The following ZNF549 variants were observed in gnomAD, a reference collection of about 807,000 sequenced individuals.
The protein encoded by ZNF549 is zinc finger protein 549.
Under a neutral mutation model 11.1 loss-of-function variants are expected in ZNF549, and 11 were observed. The ratio of observed to expected loss-of-function variants is 0.99; its 90% CI spans 0.62 to 1.64. The LOEUF (loss-of-function observed/expected upper bound fraction) is 1.64, where lower values mean the gene tolerates loss of function less well. Ranked by LOEUF, ZNF549 falls within the 40% of genes most tolerant of loss-of-function variation. ZNF549 has a pLI of 0.00. For synonymous variants in ZNF549, 266 were observed against 269.1 expected, an observed-to-expected ratio of 0.99 and a Z score of 0.11; for missense variants, 748 against 765.1, an observed-to-expected ratio of 0.98 and a Z score of 0.26.
chr19:57,527,671 G>C, intron 1 of ZNF549, 65 bp downstream of exon 1: 1 of 1,580,352 alleles, frequency 6.3e-7, no homozygotes, highest in Non-Finnish European at 8.6e-7. Flanking sequence ...CACCTGCGTG[G>C]GTCTCTGCAG....
intron 1 of ZNF549, among the ~76,000 whole-genome samples, chr19:57,529,194 T>A (rs2089892646): frequency 6.6e-6 from 1 of 152,244 alleles, no homozygotes; most frequent in Non-Finnish European, 1.5e-5. Flanking sequence ...AGCAATAGGC[T>A]ATACCATTTA....
intron 2 of ZNF549, among the ~76,000 whole-genome samples, chr19:57,533,176 T>C (rs984064824): frequency 1.3e-5 from 2 of 152,200 alleles, no homozygotes; most frequent in African/African-American, 4.8e-5. Flanking sequence ...TAAATAGGCC[T>C]TTAATAATGT....
rs1193933269 is a variant in ZNF549 at position 57,537,359 on chromosome 19, C to T, written c.355C>T (p.Leu119Phe). 1 of 1,614,154 alleles carries T rather than the reference C, an allele frequency of 6.2e-7. No individual in the cohort carries two copies. Among genetic ancestry groups the T allele is most frequent in the Non-Finnish European group, 8.5e-7 (1 of 1,180,028 alleles). ...CILVMKDILY[L>F]SEHQGTLPWQ... ...CCTGGTCATGAAAGACATTTTGTAC[C>T]TCAGTGAGCATCAGGGGACACTTCC... The change falls in exon 4 of 4, where the codon CTC (leucine) becomes TTC (phenylalanine). Residue 119 changes from leucine (L) to phenylalanine (F), a missense_variant. By Grantham distance (22) the Leu-to-Phe change is conservative. Coordinates refer to ENST00000376233, the MANE Select transcript of ZNF549 (RefSeq NM_001199295.2).
intron 3 of ZNF549, among the ~76,000 whole-genome samples, chr19:57,536,214 G>A (rs760628753): frequency 6.6e-6 from 1 of 152,030 alleles, no homozygotes; most frequent in South Asian, 2.1e-4. Flanking sequence ...CTCGTGATGG[G>A]GTTATATCCT....
intron 1 of ZNF549, among the ~76,000 whole-genome samples, chr19:57,528,735 C>T (rs1213104953): frequency 6.6e-6 from 1 of 152,192 alleles, no homozygotes; most frequent in African/African-American, 2.4e-5. Flanking sequence ...GCCAGACTAG[C>T]AGAGAAGCCC....
Position 57,540,770 on chromosome 19 carries a change from A to G in ZNF549, c.*1843A>G, listed in dbSNP as rs1189320637. On this transcript the variant is annotated 3_prime_UTR_variant, in exon 4 of 4. Coordinates refer to ENST00000376233, the MANE Select transcript of ZNF549 (RefSeq NM_001199295.2). ...GTGACACTTCTCAAAAAACAAAAAC[A>G]AAAACAAAAAGAACAGATAAGAAAT... 2.0e-5 allele frequency: 3 copies of G among 152,138 alleles called. No individual in the cohort carries two copies. Among genetic ancestry groups the G allele is most frequent in the Non-Finnish European group, 4.4e-5 (3 of 68,020 alleles). The allele number at this position is 152,138 out of a possible 1,614,324, so 9.4% of individuals were successfully genotyped here. A position where few individuals can be genotyped will look rare whatever the true frequency, so the allele number is the denominator to read the frequency against.
intron 2 of ZNF549, among the ~76,000 whole-genome samples, chr19:57,531,618 G>A (rs1448985764): frequency 1.3e-5 from 2 of 152,000 alleles, no homozygotes; most frequent in Admixed American, 6.6e-5. Flanking sequence ...TGGTATTATC[G>A]CTCTTGTGCT....
chr19:57,535,957 G>A (rs2089922821), intron 3 of ZNF549, among the ~76,000 whole-genome samples: 1 of 152,106 alleles, frequency 6.6e-6, no homozygotes, highest in African/African-American at 2.4e-5. Flanking sequence ...TTTGAGGGCT[G>A]AACTCAAATC....
chr19:57,538,635 T>G lies in ZNF549; in HGVS notation c.1631T>G (p.Leu544Arg). ...AAAGTCTTCAGCCACCAAAAAAGACTTCTTGAGCACCAGAAAGTTCACACT... is the reference window on the plus strand; with the variant it reads ...AAAGTCTTCAGCCACCAAAAAAGACGTCTTGAGCACCAGAAAGTTCACACT... ...CGKVFSHQKR[L>R]LEHQKVHTGE... The change falls in exon 4 of 4, where the codon CTT becomes CGT. Residue 544 changes from leucine to arginine, a missense_variant. Coordinates refer to ENST00000376233, the MANE Select transcript of ZNF549 (RefSeq NM_001199295.2). The G allele has an allele frequency of 6.2e-7, 1 of 1,614,176 alleles. No individual in the cohort carries two copies. Among genetic ancestry groups the G allele is most frequent in the South Asian group, 1.1e-5 (1 of 91,088 alleles).
In ZNF549 at chr19:57,537,651, C is replaced by T; in HGVS notation, c.647C>T (p.Thr216Ile). The change falls in exon 4 of 4, where the codon ACC (threonine) becomes ATC (isoleucine). Residue 216 changes from threonine to isoleucine, a missense_variant. Transcript: ENST00000376233. Reference protein sequence around the residue: ...RQEYAHRSRETFQQRRYKCEQ... With the variant: ...RQEYAHRSREIFQQRRYKCEQ... ...GAGTATGCACATAGAAGCAGGGAGA[C>T]CTTTCAACAAAGACGTTACAAATGT... The T allele has an allele frequency of 6.2e-7, 1 of 1,614,160 alleles. No homozygotes were observed. Among genetic ancestry groups the T allele is most frequent in the Non-Finnish European group, 8.5e-7 (1 of 1,180,038 alleles).
rs1416325599 is a variant in ZNF549 at position 57,537,113 on chromosome 19, G to T, written c.200-91G>T. The stretch of plus-strand genomic sequence containing the variant: ...TATCTCAAAGAAAAACCATGGACTC[G>T]TCCCTCCCTGTGTTCCACAGGTATT... On this transcript the variant is annotated intron_variant, in intron 3 of 3. Coordinates refer to ENST00000376233, the MANE Select transcript of ZNF549 (RefSeq NM_001199295.2). 30 of 1,440,166 alleles carry T rather than the reference G, an allele frequency of 2.1e-5. 1 individual carries two copies. In the East Asian group the frequency reaches 6.8e-4, roughly 33 times the overall value. 89.2% of individuals were successfully genotyped at this position (1,440,166 alleles called of 1,614,324 possible).
chr19:57,535,174 T>C lies in ZNF549; in HGVS notation c.103T>C (p.Tyr35His). Reference sequence around the variant, plus strand: ...TGTGACCTTTGAGGATATTGCTGTGTACTTCTCCCAGGAGGAGTGGGGCCT... The same window carrying C: ...TGTGACCTTTGAGGATATTGCTGTGCACTTCTCCCAGGAGGAGTGGGGCCT... ...GHVTFEDIAV[Y>H]FSQEEWGLLD... Residue 35 changes from tyrosine to histidine, a missense_variant, in exon 3 of 4, where the codon TAC becomes CAC. Transcript: ENST00000376233. 4 of 1,614,124 alleles carry C rather than the reference T, an allele frequency of 2.5e-6. No individual in the cohort carries two copies. Among genetic ancestry groups the C allele is most frequent in the Non-Finnish European group, 3.4e-6 (4 of 1,179,968 alleles).
intron 2 of ZNF549, among the ~76,000 whole-genome samples, chr19:57,532,775 T>A (rs1189931354): frequency 5.3e-5 from 8 of 152,300 alleles, no homozygotes; most frequent in Non-Finnish European, 8.8e-5. Context: ...TGAATTCAGT[T>A]AAGTTTAGTG....
chr19:57,533,368 C>T (rs1269915230), intron 2 of ZNF549, among the ~76,000 whole-genome samples: 1 of 152,168 alleles, frequency 6.6e-6, no homozygotes, highest in Non-Finnish European at 1.5e-5. Context: ...TTGGTTATTT[C>T]CCTTCCCCCA....
chr19:57,527,760 G>A (rs1228059296), intron 1 of ZNF549, among the ~76,000 whole-genome samples, 154 bp downstream of exon 1: 1 of 152,204 alleles, frequency 6.6e-6, no homozygotes, highest in Non-Finnish European at 1.5e-5. Flanking sequence ...GAAGAAGGGA[G>A]AGCGTTGCGT....
rs372413660 is a variant in ZNF549, at chr19:57,537,418, G to A, written c.414G>A (p.Gly138=). The part of the protein sequence containing the change: ...WQKPYTSVAS[G]KWFSFGSNLQ... ...AACCTTATACGTCTGTGGCCAGTGG[G>A]AAATGGTTTTCATTTGGTTCTAACC... is the stretch of plus-strand genomic sequence containing the variant. The change falls in exon 4 of 4, where the codon GGG becomes GGA. Residue 138 remains glycine (G), a synonymous_variant. Coordinates refer to ENST00000376233, the MANE Select transcript of ZNF549 (RefSeq NM_001199295.2). 23 of 1,614,096 alleles carry A rather than the reference G, an allele frequency of 1.4e-5. No homozygotes were observed. Among genetic ancestry groups the A allele is most frequent in the Non-Finnish European group, 1.9e-5 (23 of 1,180,048 alleles).
chr19:57,535,541 G>A (rs1568589885), intron 3 of ZNF549: 5 of 460,418 alleles, frequency 1.1e-5, no homozygotes, highest in Non-Finnish European at 1.9e-5. Context: ...CCTTGCTAAG[G>A]TGACTGTTCA....
At chr19:57,537,075 C>T (rs1183212410) in intron 3 of ZNF549, 129 bp from the exon 4 acceptor site, 7 of 1,087,548 alleles carry the variant, frequency 6.4e-6, no homozygotes, top group Non-Finnish European at 9.1e-6. Flanking sequence ...ATCTGGGTGA[C>T]AGAGCAAGAC....
chr19:57,538,032 A>G lies in ZNF549; in HGVS notation c.1028A>G (p.His343Arg). ...AATGTATGTGGGAAATCATTCCGCC[A>G]CAAACAAACATTTGTTGGCCATCAG... ...VCNVCGKSFR[H>R]KQTFVGHQQR... is the part of the protein sequence containing the mutation. The change falls in exon 4 of 4, where the codon CAC becomes CGC. Residue 343 changes from histidine to arginine, a missense_variant. Transcript: ENST00000376233. 6.2e-7 allele frequency: 1 copy of G among 1,614,110 alleles called. No individual in the cohort carries two copies. The highest frequency in any genetic ancestry group is 2.2e-5 in the East Asian group (1 of 44,864).
Sources: gnomAD v4.1 joint callset for allele counts (sites outside exome capture counted in the v4.1 genomes callset) on GRCh38, gnomAD v4.1.1 for gene constraint, MANE v1.5 for transcripts, NCBI Gene and HGNC (gene_info 2026-07-23, HGNC 2026-07-21) for gene names.